The following DPP4 variants were observed in gnomAD, a reference collection of about 807,000 sequenced individuals.
DPP4 encodes dipeptidyl peptidase 4.
Under a neutral mutation model 122.4 loss-of-function variants are expected in DPP4, and 93 were observed. The observed-to-expected ratio is 0.76, with a 90% confidence interval of 0.64 to 0.90. The LOEUF (loss-of-function observed/expected upper bound fraction) is 0.90, where lower values mean the gene tolerates loss of function less well. Among genes scored for constraint, DPP4 ranks in the 40% least tolerant of loss-of-function variants. The pLI is 0.00. For missense variants in DPP4, 914 were observed against 907.3 expected (o/e 1.01, Z -0.09); for synonymous variants, 321 against 302.9 (o/e 1.06, Z -0.62).
chr2:162,036,870 T>C (rs1441117330), intron 8 of DPP4, among the ~76,000 whole-genome samples: 2 of 152,236 alleles, frequency 1.3e-5, no homozygotes, highest in Non-Finnish European at 2.9e-5. Context: ...GTTTCTATTA[T>C]AGTAAGAACT....
intron 11 of DPP4, among the ~76,000 whole-genome samples, chr2:162,023,652 A>G (rs986354933): frequency 2.6e-5 from 4 of 152,090 alleles, no homozygotes; most frequent in Admixed American, 1.3e-4. Flanking sequence ...CCCTTAGTAG[A>G]GCTGATCATC....
intron 2 of DPP4, among the ~76,000 whole-genome samples, chr2:162,069,927 T>C (rs1308636596): frequency 1.3e-5 from 2 of 152,306 alleles, no homozygotes; most frequent in East Asian, 1.9e-4. Flanking sequence ...AGAAGAGATA[T>C]ACTTCTTTTC....
chr2:162,017,318 C>A, intron 16 of DPP4, 163 bp from the exon 17 acceptor site: 1 of 615,574 alleles, frequency 1.6e-6, no homozygotes, highest in South Asian at 2.4e-5. Context: ...TTTCTCCTCC[C>A]CCTCTCTTTA....
At chr2:162,017,195 T>C (rs1428326423) in intron 16 of DPP4, 40 bp from the exon 17 acceptor site, 1 of 1,573,386 alleles carries the variant, frequency 6.4e-7, no homozygotes, top group African/African-American at 1.4e-5. Context: ...GGATGAATAC[T>C]TTTTTAGAAA....
rs148053920 is a variant in DPP4, at chr2:161,994,477, C to A, written c.2199+484G>T. On this transcript the variant is annotated intron_variant, in intron 25 of 25. Coordinates refer to ENST00000360534, the MANE Select transcript of DPP4 (RefSeq NM_001935.4). The stretch of plus-strand genomic sequence containing the variant: ...ATAAAACAATCCTAATTGTTTATCG[C>A]CTGTGGTTATTCAACAAAAGATCAC... Among the ~76,000 whole-genome samples, 88 of 152,288 alleles carry A rather than the reference C, an allele frequency of 5.8e-4. No individual in the cohort carries two copies. The East Asian group carries it at 0.016, about 27-fold the overall frequency.
At chr2:162,032,774 A>G (rs1683601307) in intron 10 of DPP4, among the ~76,000 whole-genome samples, 1 of 152,094 alleles carries the variant, frequency 6.6e-6, no homozygotes, top group Non-Finnish European at 1.5e-5. Flanking sequence ...GCTATCAGAG[A>G]GCCGTAAATT....
chr2:162,028,432 G>A (rs1451705451), intron 10 of DPP4, among the ~76,000 whole-genome samples: 1 of 152,172 alleles, frequency 6.6e-6, no homozygotes, highest in Non-Finnish European at 1.5e-5. Context: ...CTTAAAACCA[G>A]AAAAATCCAA....
In DPP4 at chr2:162,031,306, G is replaced by A. The variant is rs146871794; in HGVS notation, c.887+2235C>T. On this transcript the variant is annotated intron_variant, in intron 10 of 25. Transcript: ENST00000360534. ...TAAGCTCCCAGGACTATTGCGGGAA[G>A]GAGGGAGGACAAGGACTAGACCTGC... Among the ~76,000 whole-genome samples, 39 of 152,334 alleles carry A rather than the reference G, an allele frequency of 2.6e-4. No homozygotes were observed. In the East Asian group the frequency reaches 7.5e-3, roughly 29 times the overall value.
At chr2:162,066,554 T>C (rs1015896085) in intron 2 of DPP4, among the ~76,000 whole-genome samples, 2 of 152,226 alleles carry the variant, frequency 1.3e-5, no homozygotes, top group Admixed American at 6.5e-5. Flanking sequence ...ATAATTTGCC[T>C]GCTCTATGAA....
At chr2:162,001,072 A>G (rs1311852562) in intron 23 of DPP4, among the ~76,000 whole-genome samples, 2 of 151,968 alleles carry the variant, frequency 1.3e-5, no homozygotes. Context: ...CGTCCTCCCC[A>G]TCTTCCGAAA....
chr2:162,062,710 C>T (rs1347492668), intron 2 of DPP4, among the ~76,000 whole-genome samples: 1 of 152,216 alleles, frequency 6.6e-6, no homozygotes, highest in Non-Finnish European at 1.5e-5. Context: ...CCTTCTCATG[C>T]CTGGGATTCC....
chr2:162,047,130 A>T, intron 3 of DPP4, 124 bp from the exon 4 acceptor site: 2 of 605,870 alleles, frequency 3.3e-6, no homozygotes, highest in Non-Finnish European at 5.9e-6. Flanking sequence ...TTGAGAAAAC[A>T]TGAATGATAT....
chr2:162,016,586 TTA>T lies in DPP4; in HGVS notation c.1567+180_1567+181del, dbSNP rs1210790133. ...AGAATAAGTTTTATGTAGAATGGTA[TTA>T]TATTTTAAGACAAAAGGATGTAAAA... On this transcript the variant is annotated intron_variant, in intron 18 of 25. Transcript: ENST00000360534. Among the ~76,000 whole-genome samples, 12 of 152,368 alleles carry T rather than the reference TTA, an allele frequency of 7.9e-5. No individual in the cohort carries two copies. In the South Asian group the frequency reaches 2.1e-3, roughly 26 times the overall value.
At chr2:162,072,587 A>T (rs1055715917) in intron 2 of DPP4, among the ~76,000 whole-genome samples, 1 of 152,214 alleles carries the variant, frequency 6.6e-6, no homozygotes, top group Non-Finnish European at 1.5e-5. Flanking sequence ...TAACTGGCTG[A>T]CTAATTTATA....
intron 23 of DPP4, among the ~76,000 whole-genome samples, chr2:162,000,545 T>A (rs943324149): frequency 6.6e-6 from 1 of 152,134 alleles, no homozygotes; most frequent in Non-Finnish European, 1.5e-5. Flanking sequence ...TCTGGGATAA[T>A]AGAACAAATG....
intron 25 of DPP4, among the ~76,000 whole-genome samples, chr2:161,994,061 C>A (rs1356786979): frequency 1.3e-5 from 2 of 152,054 alleles, no homozygotes; most frequent in East Asian, 3.8e-4. Flanking sequence ...TTGATTCATA[C>A]CTTGTTAAAT....
chr2:162,020,438 A>G (rs1445964664), intron 13 of DPP4, 142 bp from the exon 14 acceptor site: 4 of 974,206 alleles, frequency 4.1e-6, no homozygotes, highest in South Asian at 3.4e-5. Flanking sequence ...CTCGTTCCAC[A>G]TGACACAATA....
chr2:162,036,585 C>T (rs1420957453), intron 8 of DPP4, among the ~76,000 whole-genome samples: 1 of 152,286 alleles, frequency 6.6e-6, no homozygotes, highest in South Asian at 2.1e-4. Context: ...CATCTCAGTG[C>T]TATACTGCCC....
chr2:162,007,524 G>A (rs559714963), intron 22 of DPP4, among the ~76,000 whole-genome samples: 2 of 151,850 alleles, frequency 1.3e-5, no homozygotes, highest in East Asian at 1.9e-4. Context: ...AAATTTACAC[G>A]TATATAAGAA....
Sources: gnomAD v4.1 joint callset for allele counts (sites outside exome capture counted in the v4.1 genomes callset) on GRCh38, gnomAD v4.1.1 for gene constraint, MANE v1.5 for transcripts, NCBI Gene and HGNC (gene_info 2026-07-23, HGNC 2026-07-21) for gene names.